STIM1: variants seen among roughly 807,000 people sequenced by gnomAD.
STIM1 encodes stromal interaction molecule 1.
Under a neutral mutation model 74.7 loss-of-function variants are expected in STIM1, and 25 were observed. The ratio of observed to expected loss-of-function variants is 0.33; its 90% confidence interval spans 0.24 to 0.47. The LOEUF is 0.47. Ranked by LOEUF, STIM1 falls within the 20% of genes least tolerant of loss-of-function variation. The probability of loss-of-function intolerance (pLI) is 1.00; values close to 1 mark genes in which losing one functional copy is unlikely to be tolerated. For synonymous variants in STIM1, 328 were observed against 348.8 expected, an observed-to-expected ratio of 0.94 and a Z score of 0.66; for missense variants, 728 against 920.8, an observed-to-expected ratio of 0.79 and a Z score of 2.71.
chr11:4,022,201 C>T (rs186742996), intron 2 of STIM1, among the ~76,000 whole-genome samples: 3 of 151,702 alleles, frequency 2.0e-5, no homozygotes, highest in African/African-American at 4.8e-5. Flanking sequence ...GGTGGGGTGG[C>T]GTGCACACCT....
intron 10 of STIM1, among the ~76,000 whole-genome samples, chr11:4,084,249 C>T (rs2094480358): frequency 6.6e-6 from 1 of 152,138 alleles, no homozygotes; most frequent in East Asian, 1.9e-4. Context: ...TAGAATAGCC[C>T]TTATGGTAAA....
chr11:4,016,199 T>C (rs1404825046), intron 2 of STIM1, among the ~76,000 whole-genome samples: 1 of 152,240 alleles, frequency 6.6e-6, no homozygotes, highest in Non-Finnish European at 1.5e-5. Flanking sequence ...CCTTTGTTCT[T>C]TGATGTTGGT....
intron 3 of STIM1, among the ~76,000 whole-genome samples, chr11:4,042,795 T>C (rs1296359651): frequency 2.0e-5 from 3 of 152,222 alleles, no homozygotes; most frequent in Non-Finnish European, 4.4e-5. Flanking sequence ...CAGTCCTTAA[T>C]ATCTACCCCT....
intron 1 of STIM1, among the ~76,000 whole-genome samples, chr11:3,895,184 GAGGTC>G: frequency 6.6e-6 from 1 of 152,282 alleles, no homozygotes; most frequent in Non-Finnish European, 1.5e-5. Context: ...AGCCTTTGTG[GAGGTC>G]ACAGGCAAAC....
intron 1 of STIM1, 132 bp downstream of exon 1, chr11:3,856,541 C>T: frequency 8.8e-7 from 1 of 1,134,072 alleles, no homozygotes; most frequent in Non-Finnish European, 1.2e-6. Flanking sequence ...ACTGCCTGTT[C>T]CAAGTAGTTC....
At chr11:4,046,469 A>G (rs1019325474) in intron 3 of STIM1, among the ~76,000 whole-genome samples, 6 of 151,890 alleles carry the variant, frequency 4.0e-5, no homozygotes, top group Non-Finnish European at 4.4e-5. Flanking sequence ...CTCTGCAAAT[A>G]GTCTAATCTT....
chr11:4,031,683 A>G (rs2094051626), intron 3 of STIM1, among the ~76,000 whole-genome samples: 2 of 152,164 alleles, frequency 1.3e-5, no homozygotes, highest in Non-Finnish European at 2.9e-5. Context: ...CTTTTTTGGT[A>G]GAGTATCTGT....
At chr11:4,020,994 A>G (rs2093950691) in intron 2 of STIM1, among the ~76,000 whole-genome samples, 1 of 152,004 alleles carries the variant, frequency 6.6e-6, no homozygotes, top group Non-Finnish European at 1.5e-5. Flanking sequence ...AGTTCCTTAT[A>G]TATTCTAGAT....
At chr11:3,865,523 C>T (rs925463355) in intron 1 of STIM1, among the ~76,000 whole-genome samples, 3 of 152,186 alleles carry the variant, frequency 2.0e-5, no homozygotes, top group East Asian at 1.9e-4. Flanking sequence ...TGGACCTATC[C>T]AGCTAGAAAG....
chr11:3,917,997 A>T (rs773564131), intron 1 of STIM1, among the ~76,000 whole-genome samples: 15 of 152,206 alleles, frequency 9.9e-5, no homozygotes, highest in Non-Finnish European at 1.9e-4. Flanking sequence ...ATTCAGACAG[A>T]CTTAACCAAG....
At chr11:3,909,487 C>T (rs1049013923) in intron 1 of STIM1, among the ~76,000 whole-genome samples, 3 of 152,126 alleles carry the variant, frequency 2.0e-5, no homozygotes, top group African/African-American at 4.8e-5. Flanking sequence ...TAAGGCTATT[C>T]TCAGTAATAT....
At chr11:4,088,704 G>C in intron 12 of STIM1, 1 of 1,535,808 alleles carries the variant, frequency 6.5e-7, no homozygotes. Flanking sequence ...CGCACCAGAG[G>C]ATCATCTCTA....
chr11:3,903,676 T>C (rs1034518884), intron 1 of STIM1: 1 of 152,200 alleles, frequency 6.6e-6, no homozygotes, highest in African/African-American at 2.4e-5. Flanking sequence ...TTGAAACTAT[T>C]GAGACTTCCT....
intron 3 of STIM1, among the ~76,000 whole-genome samples, chr11:4,052,338 T>A (rs1331823743): frequency 1.3e-5 from 2 of 152,144 alleles, no homozygotes; most frequent in African/African-American, 4.8e-5. Flanking sequence ...CTTCAAACTA[T>A]ACTACAAGGC....
chr11:3,920,327 A>C (rs1011266645), intron 1 of STIM1, among the ~76,000 whole-genome samples: 2 of 151,824 alleles, frequency 1.3e-5, no homozygotes, highest in African/African-American at 4.8e-5. Flanking sequence ...CATTTTCATC[A>C]CCCTAAAAAG....
intron 12 of STIM1, among the ~76,000 whole-genome samples, chr11:4,087,225 T>G (rs963260541): frequency 2.6e-5 from 4 of 152,284 alleles, no homozygotes; most frequent in Middle Eastern, 6.8e-3. Context: ...GGCATAGGGG[T>G]TCACTGGTGA....
At chr11:4,047,283 C>T (rs999709044) in intron 3 of STIM1, among the ~76,000 whole-genome samples, 1 of 151,964 alleles carries the variant, frequency 6.6e-6, no homozygotes, top group South Asian at 2.1e-4. Flanking sequence ...AGTTCTAGAC[C>T]AGCCTGGGCA....
At chr11:3,889,632 G>A (rs1472144231) in intron 1 of STIM1, among the ~76,000 whole-genome samples, 1 of 152,116 alleles carries the variant, frequency 6.6e-6, no homozygotes, top group East Asian at 1.9e-4. Flanking sequence ...TGATATCTTT[G>A]AGATGGACAA....
At chr11:3,968,639 G>A (rs1050119808) in intron 2 of STIM1, among the ~76,000 whole-genome samples, 2 of 152,110 alleles carry the variant, frequency 1.3e-5, no homozygotes, top group Non-Finnish European at 1.5e-5. Flanking sequence ...CATGGAGATG[G>A]GACTGTAAAT....
Sources: allele counts gnomAD v4.1 joint callset (sites outside exome capture counted in the v4.1 genomes callset), GRCh38; gene constraint gnomAD v4.1.1; transcripts MANE v1.5; gene names NCBI Gene and HGNC (gene_info 2026-07-23, HGNC 2026-07-21).